HSD17B4: variants seen among roughly 807,000 people sequenced by gnomAD.
HSD17B4 encodes the protein peroxisomal multifunctional enzyme type 2.
A neutral mutation model predicts 101.0 loss-of-function variants in HSD17B4; 70 were observed. The observed-to-expected ratio is 0.69, with a 90% CI of 0.57 to 0.85. The LOEUF is 0.85. HSD17B4 is among the 40% of genes least tolerant of loss of function. The probability of loss-of-function intolerance (pLI) is 0.00; values close to 1 mark genes in which losing one functional copy is unlikely to be tolerated. For synonymous variants in HSD17B4, 347 were observed against 297.1 expected, an observed-to-expected ratio of 1.17 and a Z score of -1.73; for missense variants, 984 against 892.4, an observed-to-expected ratio of 1.10 and a Z score of -1.31.
chr5:119,511,801 G>C (rs564722146), intron 16 of HSD17B4, among the ~76,000 whole-genome samples: 1 of 152,316 alleles, frequency 6.6e-6, no homozygotes, highest in African/African-American at 2.4e-5. Flanking sequence ...TTAGTGTCTA[G>C]AGTTGTTATA....
At chr5:119,535,777 A>G (rs1387701799) in intron 22 of HSD17B4, 1 of 151,652 alleles carries the variant, frequency 6.6e-6, no homozygotes, top group African/African-American at 2.4e-5. Context: ...TAGGGGATAC[A>G]AAGACAAAAC....
At chr5:119,457,738 G>T (rs954748462) in intron 2 of HSD17B4, among the ~76,000 whole-genome samples, 1 of 151,990 alleles carries the variant, frequency 6.6e-6, no homozygotes, top group African/African-American at 2.4e-5. Context: ...CATCTTTTCT[G>T]CTCAATTCCA....
chr5:119,503,078 G>T (rs1751324040), intron 14 of HSD17B4, among the ~76,000 whole-genome samples: 5 of 102,058 alleles, frequency 4.9e-5, no homozygotes, highest in Admixed American at 4.0e-4. Context: ...CTTGGAAATT[G>T]TGTGTGTGTG....
At chr5:119,465,804 A>G (rs1276156314) in intron 2 of HSD17B4, among the ~76,000 whole-genome samples, 1 of 151,960 alleles carries the variant, frequency 6.6e-6, no homozygotes, top group African/African-American at 2.4e-5. Flanking sequence ...TTTAATTTGG[A>G]TGCCCTTTGT....
At chr5:119,491,735 C>T (rs1750127184) in intron 9 of HSD17B4, among the ~76,000 whole-genome samples, 1 of 152,144 alleles carries the variant, frequency 6.6e-6, no homozygotes, top group Non-Finnish European at 1.5e-5. Flanking sequence ...TTGTTTGCTT[C>T]ATGGTAACCA....
intron 2 of HSD17B4, chr5:119,472,436 A>ATT (rs564187025): frequency 1.2e-4 from 18 of 146,954 alleles, no homozygotes; most frequent in Middle Eastern, 3.6e-3. Context: ...CATAATTGAA[A>ATT]TTTTTTTTTT....
chr5:119,452,693 C>T, intron 1 of HSD17B4, 60 bp downstream of exon 1: 4 of 1,610,066 alleles, frequency 2.5e-6, no homozygotes, highest in Non-Finnish European at 2.5e-6. Flanking sequence ...CTGCTCTTTT[C>T]GGGCCGGCAT....
intron 22 of HSD17B4, among the ~76,000 whole-genome samples, chr5:119,534,390 G>A (rs944203007): frequency 6.6e-6 from 1 of 152,046 alleles, no homozygotes; most frequent in Admixed American, 6.6e-5. Context: ...TATATGTACT[G>A]TATGATGATG....
At chr5:119,481,051 A>G (rs1406552341) in intron 8 of HSD17B4, among the ~76,000 whole-genome samples, 1 of 152,178 alleles carries the variant, frequency 6.6e-6, no homozygotes, top group African/African-American at 2.4e-5. Flanking sequence ...ATGCTGTACA[A>G]TTGGTGCAGT....
intron 17 of HSD17B4, among the ~76,000 whole-genome samples, chr5:119,522,848 T>A (rs1226755322): frequency 6.6e-6 from 1 of 152,168 alleles, no homozygotes; most frequent in Non-Finnish European, 1.5e-5. Context: ...ATTAATTATT[T>A]TCATTGTAGT....
chr5:119,525,137 C>A, intron 17 of HSD17B4, 79 bp from the exon 18 acceptor site: 1 of 919,348 alleles, frequency 1.1e-6, no homozygotes, highest in Non-Finnish European at 1.8e-6. Context: ...ATACCAATAA[C>A]CAGCCATGTT....
chr5:119,534,106 T>G (rs1754346814), intron 22 of HSD17B4, among the ~76,000 whole-genome samples: 3 of 152,110 alleles, frequency 2.0e-5, no homozygotes, highest in Non-Finnish European at 4.4e-5. Flanking sequence ...TTCTTTAGGA[T>G]GATAGGTTTA....
At chr5:119,488,512 G>C (rs1345644118) in intron 8 of HSD17B4, among the ~76,000 whole-genome samples, 3 of 152,096 alleles carry the variant, frequency 2.0e-5, no homozygotes, top group Non-Finnish European at 4.4e-5. Context: ...ACAAAGACAA[G>C]ATAAATGTTT....
chr5:119,491,678 G>T (rs906960061), intron 9 of HSD17B4, among the ~76,000 whole-genome samples: 18 of 152,156 alleles, frequency 1.2e-4, no homozygotes, highest in Non-Finnish European at 2.4e-4. Flanking sequence ...CTTCAAGAGG[G>T]ACATTTATTT....
rs1409182370 is a variant in HSD17B4, at chr5:119,489,205, C to T, written c.636C>T (p.Ala212=). The T allele has an allele frequency of 3.7e-6, 6 of 1,606,382 alleles. No homozygotes were observed. The Admixed American group carries it at 6.7e-5, about 18-fold the overall frequency. The change falls in exon 9 of 24, where the codon GCC becomes GCT. Residue 212 remains alanine (A), a synonymous_variant. Coordinates refer to ENST00000510025, the MANE Select transcript of HSD17B4 (RefSeq NM_000414.4). ...QTVMPEDLVE[A]LKPEYVAPLV... ...TCTTTATTTCAGATCTTGTGGAAGC[C>T]CTGAAGCCAGAGTATGTGGCACCTC... is the stretch of plus-strand genomic sequence containing the variant.
chr5:119,473,535 G>C (rs1330618960), intron 2 of HSD17B4, among the ~76,000 whole-genome samples: 1 of 151,878 alleles, frequency 6.6e-6, no homozygotes, highest in African/African-American at 2.4e-5. Flanking sequence ...GCCCAGGCTG[G>C]TGGTCTTAGA....
At chr5:119,498,920 A>C (rs985290917) in intron 12 of HSD17B4, among the ~76,000 whole-genome samples, 2 of 152,136 alleles carry the variant, frequency 1.3e-5, no homozygotes, top group Non-Finnish European at 2.9e-5. Flanking sequence ...AATCAAATTT[A>C]CATCCATTAA....
At chr5:119,532,243 G>A (rs2636964) in intron 22 of HSD17B4, among the ~76,000 whole-genome samples, 95,070 of 151,860 alleles carry the variant, frequency 0.63, 30,341 homozygotes, top group East Asian at 0.92. Context: ...TTCCCTTTCA[G>A]CAGAGTCTGT....
At chr5:119,513,188 A>G (rs1411039837) in intron 16 of HSD17B4, among the ~76,000 whole-genome samples, 2 of 152,210 alleles carry the variant, frequency 1.3e-5, no homozygotes, top group African/African-American at 4.8e-5. Flanking sequence ...CCCTAAGGCA[A>G]GTTGTGCAAT....
Sources: allele counts gnomAD v4.1 joint callset (sites outside exome capture counted in the v4.1 genomes callset), GRCh38; gene constraint gnomAD v4.1.1; transcripts MANE v1.5; gene names NCBI Gene and HGNC (gene_info 2026-07-23, HGNC 2026-07-21).